THSD7A: variants seen among roughly 807,000 people sequenced by gnomAD.
THSD7A encodes thrombospondin type-1 domain-containing protein 7A.
THSD7A carries 96 observed loss-of-function variants against 231.3 expected under a neutral mutation model. That is an observed-to-expected ratio of 0.41 (90% CI 0.35 to 0.49). The LOEUF (loss-of-function observed/expected upper bound fraction) is 0.49. Among genes scored for constraint, THSD7A ranks in the 20% least tolerant of loss-of-function variants. The probability of loss-of-function intolerance (pLI) is 0.05; values close to 1 mark genes in which losing one functional copy is unlikely to be tolerated. For synonymous variants in THSD7A, 940 were observed against 743.3 expected (o/e 1.26, Z -4.30); for missense variants, 2,290 against 2,070.2 (o/e 1.11, Z -2.06).
chr7:11,484,140 G>C (rs1030924699), intron 6 of THSD7A, among the ~76,000 whole-genome samples: 3 of 151,818 alleles, frequency 2.0e-5, no homozygotes, highest in Non-Finnish European at 2.9e-5. Flanking sequence ...CCTCTGTGGA[G>C]CTATTAAGAC....
At position 11,832,146 on chromosome 7, in the gene THSD7A, G is replaced by A; in HGVS notation, c.-200C>T. The A allele has an allele frequency of 2.9e-6, 1 of 344,834 alleles. No homozygotes were observed. Among genetic ancestry groups the A allele is most frequent in the Non-Finnish European group, 5.1e-6 (1 of 195,920 alleles). 21.4% of individuals were successfully genotyped at this position (344,834 alleles called of 1,614,324 possible). On this transcript the variant is annotated 5_prime_UTR_variant, in exon 1 of 28. Transcript: ENST00000423059. ...GGTGGTGGCCGTGGCCGCTGCCGCC[G>A]CCGCCGCCGCCTCTGGCGGGGATGC...
rs143503855 is a variant in THSD7A, at chr7:11,604,827, C to T, written c.1023-11325G>A. ...ATATCCAGTAGGCAGAAATGTTGAG[C>T]AGACAGATGCAGAAGTAAAGGCTGG... is the stretch of plus-strand genomic sequence containing the variant. On this transcript the variant is annotated intron_variant, in intron 2 of 27. Transcript: ENST00000423059. Among the ~76,000 whole-genome samples, 732 of 152,080 alleles carry T rather than the reference C, an allele frequency of 4.8e-3. 2 individuals carry two copies. The highest frequency in any genetic ancestry group is 7.5e-3 in the African/African-American group (311 of 41,502).
At position 11,447,322 on chromosome 7, in the gene THSD7A, C is replaced by G; in HGVS notation, c.2708G>C (p.Cys903Ser). The G allele has an allele frequency of 6.2e-7, 1 of 1,612,906 alleles. No homozygotes were observed. Among genetic ancestry groups the G allele is most frequent in the Non-Finnish European group, 8.5e-7 (1 of 1,179,418 alleles). The change falls in exon 12 of 28, where the codon TGC becomes TCC. Residue 903 changes from cysteine to serine, a missense_variant. Coordinates refer to ENST00000423059, the MANE Select transcript of THSD7A (RefSeq NM_015204.3). The stretch of plus-strand genomic sequence containing the variant: ...GCTGGTCAATTGACAGTCATCCTGG[C>G]AGGGGATCTGGCAGGCCTGGGTAAG... ...PALTQACQIP[C>S]QDDCQLTSWS...
At chr7:11,680,227 A>C (rs1487035679) in intron 1 of THSD7A, among the ~76,000 whole-genome samples, 1 of 152,212 alleles carries the variant, frequency 6.6e-6, no homozygotes, top group Non-Finnish European at 1.5e-5. Context: ...CTTCAACATA[A>C]GACTTAAAAC....
chr7:11,761,003 C>A (rs1583267039), intron 1 of THSD7A, among the ~76,000 whole-genome samples: 1 of 148,418 alleles, frequency 6.7e-6, no homozygotes, highest in Non-Finnish European at 1.5e-5. Context: ...TTTTATAAAT[C>A]GAATACAAAC....
At chr7:11,659,885 G>A (rs1782861935) in intron 1 of THSD7A, among the ~76,000 whole-genome samples, 1 of 151,404 alleles carries the variant, frequency 6.6e-6, no homozygotes, top group African/African-American at 2.4e-5. Flanking sequence ...TCTATTCAAA[G>A]TATGATCCAG....
intron 23 of THSD7A, among the ~76,000 whole-genome samples, chr7:11,399,367 A>C (rs964674845): frequency 2.0e-5 from 3 of 152,136 alleles, no homozygotes; most frequent in African/African-American, 7.2e-5. Context: ...TATGGTAATG[A>C]CAACTTTGCT....
At chr7:11,481,232 G>A (rs1051988459) in intron 7 of THSD7A, among the ~76,000 whole-genome samples, 1 of 152,046 alleles carries the variant, frequency 6.6e-6, no homozygotes, top group Non-Finnish European at 1.5e-5. Flanking sequence ...AGAGATTTAG[G>A]AGCAACATAT....
intron 6 of THSD7A, among the ~76,000 whole-genome samples, chr7:11,514,382 T>C (rs1295194397): frequency 6.6e-6 from 1 of 152,302 alleles, no homozygotes; most frequent in East Asian, 1.9e-4. Context: ...TTAATATTTG[T>C]TGAATAAATG....
At position 11,512,942 on chromosome 7, in the gene THSD7A, G is replaced by GATATATATAT. The variant is rs59121982; in HGVS notation, c.1822+28467_1822+28476dup. On this transcript the variant is annotated intron_variant, in intron 6 of 27. Coordinates refer to ENST00000423059, the MANE Select transcript of THSD7A (RefSeq NM_015204.3). ...TAAAGTATAATAAAAAAGAAACTAT[G>GATATATATAT]ATATATATATATATATATGTAAAAT... 3.1e-3 allele frequency among the ~76,000 whole-genome samples: 312 copies of GATATATATAT among 101,982 alleles called. 27 individuals carry two copies. Among genetic ancestry groups the GATATATATAT allele is most frequent in the South Asian group, 4.6e-3 (16 of 3,448 alleles). 66.9% of individuals were successfully genotyped at this position (101,982 alleles called of 152,430 possible).
intron 6 of THSD7A, among the ~76,000 whole-genome samples, chr7:11,516,705 G>T (rs1212446704): frequency 1.3e-5 from 2 of 152,162 alleles, no homozygotes; most frequent in African/African-American, 4.8e-5. Flanking sequence ...TTACAGAAAA[G>T]CTGAATTTAA....
At chr7:11,644,785 C>T (rs1195904679) in intron 1 of THSD7A, among the ~76,000 whole-genome samples, 8 of 151,898 alleles carry the variant, frequency 5.3e-5, no homozygotes, top group Non-Finnish European at 1.0e-4. Flanking sequence ...AACCTCTTTG[C>T]GTTCTGGTTT....
At chr7:11,447,741 A>G (rs929930758) in intron 11 of THSD7A, among the ~76,000 whole-genome samples, 2 of 152,178 alleles carry the variant, frequency 1.3e-5, no homozygotes, top group Admixed American at 6.6e-5. Flanking sequence ...TTAGAAATAA[A>G]TTTGTAAGAA....
At chr7:11,523,236 T>C (rs17634127) in intron 6 of THSD7A, among the ~76,000 whole-genome samples, 39,087 of 152,008 alleles carry the variant, frequency 0.26, 6,394 homozygotes, top group Non-Finnish European at 0.36. Flanking sequence ...TTCCTGATTC[T>C]TGATCTCTAA....
intron 1 of THSD7A, among the ~76,000 whole-genome samples, chr7:11,697,942 G>A (rs1780452212): frequency 6.6e-6 from 1 of 151,344 alleles, no homozygotes; most frequent in Non-Finnish European, 1.5e-5. Context: ...CTGCTCAAGT[G>A]ACTGATACTT....
intron 4 of THSD7A, among the ~76,000 whole-genome samples, chr7:11,586,458 A>G (rs961050897): frequency 5.9e-5 from 9 of 152,176 alleles, no homozygotes; most frequent in Non-Finnish European, 4.4e-5. Flanking sequence ...TGGTTCCCTT[A>G]TACACACTTC....
chr7:11,612,781 T>C (rs538716365), intron 2 of THSD7A, among the ~76,000 whole-genome samples: 1 of 152,198 alleles, frequency 6.6e-6, no homozygotes, highest in Admixed American at 6.5e-5. Context: ...TATAGATATA[T>C]TTTTAAAACT....
At chr7:11,577,647 G>A (rs1790974574) in intron 4 of THSD7A, among the ~76,000 whole-genome samples, 1 of 150,600 alleles carries the variant, frequency 6.6e-6, no homozygotes, top group Non-Finnish European at 1.5e-5. Context: ...GTATCTAGTT[G>A]CTATAATTAT....
At chr7:11,568,548 C>T (rs1053563165) in intron 4 of THSD7A, among the ~76,000 whole-genome samples, 2 of 140,576 alleles carry the variant, frequency 1.4e-5, no homozygotes, top group Non-Finnish European at 1.5e-5. Flanking sequence ...TGGCGTGAAC[C>T]TGGGAGGCAG....
Sources: gnomAD v4.1 joint callset for allele counts (sites outside exome capture counted in the v4.1 genomes callset) on GRCh38, gnomAD v4.1.1 for gene constraint, MANE v1.5 for transcripts, NCBI Gene and HGNC (gene_info 2026-07-23, HGNC 2026-07-21) for gene names.